Variants in RAMP3 observed in about 807,000 individuals in gnomAD.
The protein encoded by RAMP3 is receptor activity modifying protein 3, also known as receptor activity-modifying protein 3.
In RAMP3, 14 loss-of-function variants were observed where a neutral mutation model predicts 13.5. The ratio of observed to expected loss-of-function variants is 1.04; its 90% CI spans 0.69 to 1.63. The LOEUF (loss-of-function observed/expected upper bound fraction) is 1.63. Among genes scored for constraint, RAMP3 ranks in the 40% most tolerant of loss-of-function variants. The probability of loss-of-function intolerance (pLI) is 0.00; values close to 1 mark genes in which losing one functional copy is unlikely to be tolerated. For missense variants in RAMP3, 200 were observed against 204.8 expected (o/e 0.98, Z 0.14); for synonymous variants, 106 against 88.3 (o/e 1.20, Z -1.12).
Position 45,183,344 on chromosome 7 carries a change from G to A in RAMP3, c.379G>A (p.Val127Ile), listed in dbSNP as rs778074274. 23 of 1,613,836 alleles carry A rather than the reference G, an allele frequency of 1.4e-5. No individual in the cohort carries two copies. The highest frequency in any genetic ancestry group is 1.6e-4 in the Middle Eastern group (1 of 6,084). Reference sequence around the variant, plus strand: ...TCTCATCCCGCTGATCGTTATACCCGTCGTTCTGACTGTCGCCATGGCTGG... The same window carrying A: ...TCTCATCCCGCTGATCGTTATACCCATCGTTCTGACTGTCGCCATGGCTGG... ...EVLIPLIVIP[V>I]VLTVAMAGLV... The change falls in exon 3 of 3, where the codon GTC (valine) becomes ATC (isoleucine). Residue 127 changes from valine (V) to isoleucine (I), a missense_variant. Physicochemically the swap from Val to Ile is conservative, Grantham distance 29. Coordinates refer to ENST00000242249, the MANE Select transcript of RAMP3 (RefSeq NM_005856.3).
intron 1 of RAMP3, among the ~76,000 whole-genome samples, chr7:45,158,112 C>T (rs995987769): frequency 1.3e-5 from 2 of 152,250 alleles, no homozygotes; most frequent in African/African-American, 4.8e-5. Context: ...ACAGGGCCCC[C>T]TCCGGGGTCT....
intron 1 of RAMP3, among the ~76,000 whole-genome samples, chr7:45,161,040 C>T (rs1019943796): frequency 1.3e-5 from 2 of 152,260 alleles, no homozygotes; most frequent in African/African-American, 4.8e-5. Context: ...CTGTCACAGG[C>T]ATCCTCATAG....
At chr7:45,172,618 G>GGTGC (rs1401932166) in intron 1 of RAMP3, among the ~76,000 whole-genome samples, 12 of 152,202 alleles carry the variant, frequency 7.9e-5, no homozygotes, top group Non-Finnish European at 2.9e-5. Flanking sequence ...TGGGACCACA[G>GGTGC]GTGCACGCCT....
At chr7:45,169,634 A>G (rs1332673756) in intron 1 of RAMP3, among the ~76,000 whole-genome samples, 1 of 152,208 alleles carries the variant, frequency 6.6e-6, no homozygotes, top group Non-Finnish European at 1.5e-5. Flanking sequence ...TGGTGGCCCC[A>G]GGTGTTCCTT....
At chr7:45,164,908 A>T (rs1785929749) in intron 1 of RAMP3, among the ~76,000 whole-genome samples, 4 of 152,178 alleles carry the variant, frequency 2.6e-5, no homozygotes, top group Middle Eastern at 3.4e-3. Context: ...TTCTTATTTG[A>T]CAATCTTTGC....
At chr7:45,160,870 G>A (rs917452344) in intron 1 of RAMP3, among the ~76,000 whole-genome samples, 1 of 152,244 alleles carries the variant, frequency 6.6e-6, no homozygotes, top group Non-Finnish European at 1.5e-5. Flanking sequence ...CTCTTTTGTG[G>A]TGTTGCCAGG....
At chr7:45,168,199 G>C (rs1027077479) in intron 1 of RAMP3, among the ~76,000 whole-genome samples, 2 of 151,664 alleles carry the variant, frequency 1.3e-5, no homozygotes, top group Non-Finnish European at 2.9e-5. Flanking sequence ...TCAGGAGTTC[G>C]AGACCAGCCT....
intron 2 of RAMP3, 35 bp from the exon 3 acceptor site, chr7:45,183,122 C>A (rs367744438): frequency 6.9e-6 from 11 of 1,601,386 alleles, no homozygotes; most frequent in Non-Finnish European, 9.3e-6. Context: ...GGGGGGATGG[C>A]GAGAGCCTGG....
intron 2 of RAMP3, among the ~76,000 whole-genome samples, chr7:45,177,738 A>T (rs1786222812): frequency 6.6e-6 from 1 of 151,428 alleles, no homozygotes; most frequent in Admixed American, 6.6e-5. Flanking sequence ...TGTGCTCCCC[A>T]CACCCACAGC....
rs966471432 is a variant in RAMP3 at position 45,183,756 on chromosome 7, G to A, written c.*344G>A. On this transcript the variant is annotated 3_prime_UTR_variant, in exon 3 of 3. Transcript: ENST00000242249. ...CCGCAGGTTTCTATGCTGTTTCTTA[G>A]CACAGAATCCAGCCTAGCCTTAGCC... 2.2e-5 allele frequency: 12 copies of A among 556,780 alleles called. No individual in the cohort carries two copies. The highest frequency in any genetic ancestry group is 3.8e-5 in the Non-Finnish European group (12 of 313,648). 34.5% of individuals were successfully genotyped at this position (556,780 alleles called of 1,614,324 possible). A position where few individuals can be genotyped will look rare whatever the true frequency, so the allele number is the denominator to read the frequency against.
chr7:45,182,634 G>A (rs1413123556), intron 2 of RAMP3, among the ~76,000 whole-genome samples: 1 of 152,220 alleles, frequency 6.6e-6, no homozygotes, highest in Non-Finnish European at 1.5e-5. Context: ...GAGATGAAGA[G>A]GCAGGGACTG....
intron 1 of RAMP3, among the ~76,000 whole-genome samples, chr7:45,169,062 G>T (rs1786031872): frequency 6.6e-6 from 1 of 152,122 alleles, no homozygotes; most frequent in African/African-American, 2.4e-5. Flanking sequence ...GTTTATTAAT[G>T]TGATATATTA....
chr7:45,174,648 C>T (rs926144621), intron 1 of RAMP3, among the ~76,000 whole-genome samples: 21 of 152,280 alleles, frequency 1.4e-4, no homozygotes, highest in Admixed American at 3.3e-4. Context: ...GCTCAGGTCT[C>T]CTTCTGACTG....
intron 1 of RAMP3, among the ~76,000 whole-genome samples, chr7:45,172,800 G>T (rs1242562958): frequency 6.6e-6 from 1 of 152,172 alleles, no homozygotes; most frequent in Admixed American, 6.5e-5. Flanking sequence ...TTCTGAGAGG[G>T]TTTGGGTTTA....
intron 1 of RAMP3, among the ~76,000 whole-genome samples, chr7:45,160,027 T>G (rs1785833007): frequency 6.6e-6 from 1 of 152,100 alleles, no homozygotes; most frequent in Admixed American, 6.5e-5. Flanking sequence ...GTAACTCTGG[T>G]GAATTAAAGA....
chr7:45,171,175 A>G (rs1328288953), intron 1 of RAMP3, among the ~76,000 whole-genome samples: 1 of 144,378 alleles, frequency 6.9e-6, no homozygotes, highest in Non-Finnish European at 1.5e-5. Context: ...TTTTTTTTCG[A>G]GACAGAGTTT....
chr7:45,180,473 G>A (rs1045478017), intron 2 of RAMP3, among the ~76,000 whole-genome samples: 1 of 152,222 alleles, frequency 6.6e-6, no homozygotes, highest in African/African-American at 2.4e-5. Flanking sequence ...ATCAGGAGTC[G>A]AGTCATGGCT....
At chr7:45,176,387 T>TACACACACACACACAC (rs57539624) in intron 1 of RAMP3, among the ~76,000 whole-genome samples, 9 of 147,736 alleles carry the variant, frequency 6.1e-5, no homozygotes, top group African/African-American at 2.2e-4. Context: ...GCTGTGTACC[T>TACACACACACACACAC]ACACACACAC....
intron 2 of RAMP3, 99 bp from the exon 3 acceptor site, chr7:45,183,058 C>G: frequency 6.6e-7 from 1 of 1,521,198 alleles, no homozygotes; most frequent in Non-Finnish European, 8.9e-7. Context: ...CCAAATGGGA[C>G]TGTACCCAAG....
Sources: gnomAD v4.1 joint callset for allele counts (sites outside exome capture counted in the v4.1 genomes callset) on GRCh38, gnomAD v4.1.1 for gene constraint, MANE v1.5 for transcripts, NCBI Gene and HGNC (gene_info 2026-07-23, HGNC 2026-07-21) for gene names.